Variants in RASA1 observed in about 807,000 individuals in gnomAD.
RASA1 encodes RAS p21 protein activator 1.
In RASA1, 25 loss-of-function variants were observed where a neutral mutation model predicts 132.2. The observed-to-expected ratio is 0.19, with a 90% CI of 0.14 to 0.26. RASA1 has a LOEUF of 0.26. RASA1 is among the 10% of genes least tolerant of loss of function. The pLI is 1.00. For missense variants in RASA1, 964 were observed against 1,299.2 expected, an observed-to-expected ratio of 0.74 and a Z score of 3.97; for synonymous variants, 477 against 449.9, an observed-to-expected ratio of 1.06 and a Z score of -0.76.
rs758894954 is a variant in RASA1, at chr5:87,389,474, G to A, written c.3007G>A (p.Val1003Met). The A allele has an allele frequency of 1.1e-5, 17 of 1,614,156 alleles. No individual in the cohort carries two copies. Among genetic ancestry groups the A allele is most frequent in the South Asian group, 3.3e-5 (3 of 91,086 alleles). The change falls in exon 24 of 25, where the codon GTG (valine) becomes ATG (methionine). Residue 1003 changes from valine to methionine, a missense_variant. By Grantham distance (21) the Val-to-Met change is conservative. Around this residue, in one of 6 missense-constraint regions of RASA1, gnomAD observed 107 missense variants for 163.8 expected, o/e 0.65. Coordinates refer to ENST00000274376, the MANE Select transcript of RASA1 (RefSeq NM_002890.3). The part of the protein sequence containing the change: ...RDLAALHEIC[V>M]AHSDELRTLS... ...TTTAGCAGCATTGCATGAGATTTGC[G>A]TGGCTCATTCAGATGAACTTCGAAC...
chr5:87,369,127 C>T (rs1760741195), intron 11 of RASA1, among the ~76,000 whole-genome samples: 1 of 152,106 alleles, frequency 6.6e-6, no homozygotes, highest in Non-Finnish European at 1.5e-5. Context: ...ACAGAAGTAA[C>T]ATTTATTGAG....
intron 1 of RASA1, among the ~76,000 whole-genome samples, chr5:87,324,385 A>T (rs912532002): frequency 1.1e-4 from 16 of 151,902 alleles, no homozygotes; most frequent in African/African-American, 3.6e-4. Flanking sequence ...TACTAGGGTG[A>T]TGGGAGTTAA....
At chr5:87,348,338 T>G (rs1472752630) in intron 7 of RASA1, among the ~76,000 whole-genome samples, 2 of 152,026 alleles carry the variant, frequency 1.3e-5, no homozygotes, top group Non-Finnish European at 2.9e-5. Context: ...TCATTGTGCT[T>G]TCCTAAAAAC....
chr5:87,371,562 T>C (rs1025801614), intron 12 of RASA1, among the ~76,000 whole-genome samples: 1 of 152,160 alleles, frequency 6.6e-6, no homozygotes, highest in Non-Finnish European at 1.5e-5. Flanking sequence ...AAATGATTTT[T>C]AAAATCTAAT....
At chr5:87,313,286 T>G (rs1756059136) in intron 1 of RASA1, among the ~76,000 whole-genome samples, 1 of 152,132 alleles carries the variant, frequency 6.6e-6, no homozygotes, top group South Asian at 2.1e-4. Flanking sequence ...GAATTTTGGC[T>G]CTCCCTGGAG....
intron 4 of RASA1, 101 bp from the exon 5 acceptor site, chr5:87,337,873 T>C (rs1044378596): frequency 1.6e-6 from 2 of 1,237,668 alleles, no homozygotes; most frequent in African/African-American, 1.5e-5. Context: ...CTTACATTTT[T>C]CAATATAATA....
chr5:87,329,024 T>C (rs1462622018), intron 1 of RASA1, among the ~76,000 whole-genome samples: 1 of 152,196 alleles, frequency 6.6e-6, no homozygotes, highest in Non-Finnish European at 1.5e-5. Context: ...TTTATGTGTT[T>C]GAAGCTTACG....
chr5:87,284,869 A>T (rs1561254550), intron 1 of RASA1, among the ~76,000 whole-genome samples: 1 of 152,118 alleles, frequency 6.6e-6, no homozygotes, highest in Non-Finnish European at 1.5e-5. Flanking sequence ...TCTTTTTATC[A>T]TGAAGCTGTT....
rs1005902624 is a variant in RASA1 at position 87,307,240 on chromosome 5, A to G, written c.540-24108A>G. On this transcript the variant is annotated intron_variant, in intron 1 of 24. Coordinates refer to ENST00000274376, the MANE Select transcript of RASA1 (RefSeq NM_002890.3). ...TTTTCTGTATTTTCTTTTTTTCTGC[A>G]TTACGGTTTGACAGGTATAACTTTT... Among the ~76,000 whole-genome samples the G allele has an allele frequency of 5.9e-5, 9 of 152,052 alleles. 1 individual carries two copies. The highest frequency in any genetic ancestry group is 5.2e-4 in the Admixed American group (8 of 15,240).
chr5:87,379,633 G>A lies in RASA1; in HGVS notation c.2488-102G>A, dbSNP rs115985005. The A allele has an allele frequency of 6.6e-3, 9,867 of 1,484,964 alleles. 38 individuals carry two copies. Among genetic ancestry groups the A allele is most frequent in the Non-Finnish European group, 7.3e-3 (8,047 of 1,109,400 alleles). The allele number at this position is 1,484,964 out of a possible 1,614,324, so 92.0% of individuals were successfully genotyped here. ...AAAGATCAATACACACAGAGATACC[G>A]AAAAATAGACAACCTCGAAAACTAT... is the stretch of plus-strand genomic sequence containing the variant. On this transcript the variant is annotated intron_variant, in intron 18 of 24. Coordinates refer to ENST00000274376, the MANE Select transcript of RASA1 (RefSeq NM_002890.3).
At chr5:87,292,336 T>G (rs564806304) in intron 1 of RASA1, among the ~76,000 whole-genome samples, 1 of 152,156 alleles carries the variant, frequency 6.6e-6, no homozygotes, top group African/African-American at 2.4e-5. Flanking sequence ...GAGTTAAATT[T>G]TGTGAAGGCT....
intron 2 of RASA1, 83 bp downstream of exon 2, chr5:87,331,583 G>C: frequency 7.0e-7 from 1 of 1,425,712 alleles, no homozygotes. Flanking sequence ...TAATAAAGGT[G>C]AATGACTCAG....
intron 24 of RASA1, 68 bp from the exon 25 acceptor site, chr5:87,390,732 C>G (rs1762452776): frequency 7.6e-7 from 1 of 1,322,770 alleles, no homozygotes; most frequent in Non-Finnish European, 1.1e-6. Flanking sequence ...TTTTTCAAAT[C>G]CAGGTTCCCA....
intron 9 of RASA1, among the ~76,000 whole-genome samples, chr5:87,356,721 T>TTA (rs1759680105): frequency 6.6e-6 from 1 of 152,174 alleles, no homozygotes; most frequent in Admixed American, 6.5e-5. Context: ...GTGTACATTG[T>TTA]TAGACATAAT....
Position 87,362,534 on chromosome 5 carries a change from T to C in RASA1, c.1333-17T>C, listed in dbSNP as rs1260853256. ...TCAAGAATGTATGAAATAATTTTAATGTTTTTTAAAATTCAGGATCAAGAA... is the reference window on the plus strand; with the variant it reads ...TCAAGAATGTATGAAATAATTTTAACGTTTTTTAAAATTCAGGATCAAGAA... On this transcript the variant is annotated splice_polypyrimidine_tract_variant and intron_variant, in intron 9 of 24. Coordinates refer to ENST00000274376, the MANE Select transcript of RASA1 (RefSeq NM_002890.3). 11 of 1,578,470 alleles carry C rather than the reference T, an allele frequency of 7.0e-6. No homozygotes were observed. Among genetic ancestry groups the C allele is most frequent in the South Asian group, 5.6e-5 (5 of 90,080 alleles).
chr5:87,386,468 A>G (rs1008677953), intron 22 of RASA1, among the ~76,000 whole-genome samples: 11 of 152,012 alleles, frequency 7.2e-5, no homozygotes, highest in Non-Finnish European at 1.3e-4. Context: ...ATTTGGGGCC[A>G]TGTTTGAGTG....
At chr5:87,328,208 A>C (rs963998937) in intron 1 of RASA1, among the ~76,000 whole-genome samples, 2 of 152,308 alleles carry the variant, frequency 1.3e-5, no homozygotes, top group Non-Finnish European at 2.9e-5. Flanking sequence ...GATAAACTTT[A>C]ACTTAGATGA....
At chr5:87,346,379 A>G (rs1324264478) in intron 6 of RASA1, among the ~76,000 whole-genome samples, 3 of 151,996 alleles carry the variant, frequency 2.0e-5, no homozygotes, top group African/African-American at 7.2e-5. Context: ...CAAAAAGAAA[A>G]AAAAGACCTA....
intron 1 of RASA1, among the ~76,000 whole-genome samples, chr5:87,292,113 A>G (rs1037724710): frequency 2.6e-5 from 4 of 152,068 alleles, no homozygotes; most frequent in Admixed American, 1.3e-4. Context: ...CTCCCAGTCT[A>G]TGGTTTGTCT....
Sources: allele counts gnomAD v4.1 joint callset (sites outside exome capture counted in the v4.1 genomes callset), GRCh38; gene constraint gnomAD v4.1.1; regional missense constraint gnomAD v4.1.1; transcripts MANE v1.5; gene names NCBI Gene and HGNC (gene_info 2026-07-23, HGNC 2026-07-21).